The following FSCN3 variants were observed in gnomAD, a reference collection of about 807,000 sequenced individuals.
FSCN3 encodes the protein fascin actin-bundling protein 3.
In FSCN3, 43 loss-of-function variants were observed where a neutral mutation model predicts 53.5. The observed-to-expected ratio is 0.80, with a 90% CI of 0.63 to 1.04. The LOEUF (loss-of-function observed/expected upper bound fraction) is 1.04, where lower values mean the gene tolerates loss of function less well. Ranked by LOEUF, FSCN3 falls within the 50% of genes least tolerant of loss-of-function variation. FSCN3 has a pLI of 0.00. For synonymous variants in FSCN3, 235 were observed against 246.6 expected, an observed-to-expected ratio of 0.95 and a Z score of 0.44; for missense variants, 594 against 646.5, an observed-to-expected ratio of 0.92 and a Z score of 0.88.
At chr7:127,599,237 C>A in intron 4 of FSCN3, 144 bp from the exon 5 acceptor site, 1 of 672,878 alleles carries the variant, frequency 1.5e-6, no homozygotes, top group Non-Finnish European at 2.7e-6. Flanking sequence ...AAGCACCTAG[C>A]ATAAGACCTG....
Position 127,598,560 on chromosome 7 carries a change from C to T in FSCN3, c.1086C>T (p.Pro362=). The change falls in exon 4 of 7, where the codon CCC becomes CCT. Residue 362 remains proline, a synonymous_variant. Transcript: ENST00000265825. ...SCRGRFLGIA[P]NSLLMANVIL... ...GGGGGCGCTTCCTGGGCATTGCACC[C>T]AACAGCCTGCTGATGGCCAATGTCA... 1 of 1,612,716 alleles carries T rather than the reference C, an allele frequency of 6.2e-7. No homozygotes were observed. Among genetic ancestry groups the T allele is most frequent in the South Asian group, 1.1e-5 (1 of 90,962 alleles).
In FSCN3 at chr7:127,600,349, C is replaced by CTGTT. The variant is rs745997244; in HGVS notation, c.1448_1451dup (p.Leu484PhefsTer6). ...CATGCGAGCCGACCAAAGTGGCACC[C>CTGTT]TGTTGGCAGACAGTGAAGACATTAC... On this transcript the variant is annotated frameshift_variant, in exon 6 of 7. Transcript: ENST00000265825. LOFTEE classifies it high-confidence loss of function. The CTGTT allele has an allele frequency of 5.6e-6, 9 of 1,613,542 alleles. No individual in the cohort carries two copies. In the Admixed American group the frequency reaches 8.3e-5, roughly 15 times the overall value.
Position 127,600,302 on chromosome 7 carries a change from T to G in FSCN3, c.1400T>G (p.Val467Gly), listed in dbSNP as rs758328839. Reference protein sequence around the residue: ...IELQGSNLLTVLAPNGFYMRA... With the variant: ...IELQGSNLLTGLAPNGFYMRA... ...CTTCAGGGGAGCAACTTACTCACTG[T>G]ACTGGCCCCCAATGGCTTCTACATG... is the stretch of plus-strand genomic sequence containing the variant. The change falls in exon 6 of 7, where the codon GTA becomes GGA. Residue 467 changes from valine (V) to glycine (G), a missense_variant. Transcript: ENST00000265825. 6.2e-7 allele frequency: 1 copy of G among 1,611,510 alleles called. No individual in the cohort carries two copies. Among genetic ancestry groups the G allele is most frequent in the South Asian group, 1.1e-5 (1 of 91,034 alleles).
intron 1 of FSCN3, among the ~76,000 whole-genome samples, 172 bp downstream of exon 1, chr7:127,594,169 T>TGTGC (rs1353277393): frequency 1.4e-5 from 2 of 143,708 alleles, no homozygotes; most frequent in African/African-American, 5.7e-5. Context: ...GCTGTGTGTG[T>TGTGC]GTGTGTGTGT....
At chr7:127,600,972 C>G (rs1424233964) in intron 6 of FSCN3, among the ~76,000 whole-genome samples, 1 of 152,182 alleles carries the variant, frequency 6.6e-6, no homozygotes, top group Non-Finnish European at 1.5e-5. Context: ...TCTTCCCTTC[C>G]TAAGGTGATC....
Position 127,601,655 on chromosome 7 carries a change from C to T in FSCN3, c.*33C>T, listed in dbSNP as rs1794478397. 6.6e-6 allele frequency: 1 copy of T among 152,188 alleles called. No homozygotes were observed. The highest frequency in any genetic ancestry group is 2.4e-5 in the African/African-American group (1 of 41,444). 9.4% of individuals were successfully genotyped at this position (152,188 alleles called of 1,614,324 possible). ...GGATGTCACCTACCAAAATCCAAAT[C>T]CTCCAGGAAAAACTACTACACTAAA... On this transcript the variant is annotated 3_prime_UTR_variant, in exon 7 of 7. Transcript: ENST00000265825.
chr7:127,594,110 A>G (rs1195390881), intron 1 of FSCN3, 113 bp downstream of exon 1: 113 of 1,257,842 alleles, frequency 9.0e-5, no homozygotes, highest in Non-Finnish European at 1.1e-4. Flanking sequence ...GTGTGTATGT[A>G]CTTGCCTGTA....
chr7:127,599,472 T>A lies in FSCN3; in HGVS notation c.1212T>A (p.His404Gln). ...GCTATGTGGGCTCCTCATCGGGCCA[T>A]GACCTCATACAGTGCAACCAGGATC... The part of the protein sequence containing the change: ...RYGYVGSSSG[H>Q]DLIQCNQDQP... The change falls in exon 5 of 7, where the codon CAT becomes CAA. Residue 404 changes from histidine (H) to glutamine (Q), a missense_variant. By Grantham distance (24) the His-to-Gln change is conservative. Coordinates refer to ENST00000265825, the MANE Select transcript of FSCN3 (RefSeq NM_020369.3). 6.2e-6 allele frequency: 10 copies of A among 1,614,144 alleles called. No individual in the cohort carries two copies. The highest frequency in any genetic ancestry group is 8.5e-6 in the Non-Finnish European group (10 of 1,179,990).
Position 127,600,199 on chromosome 7 carries a change from G to A in FSCN3, c.1297G>A (p.Gly433Arg). 1 of 1,589,996 alleles carries A rather than the reference G, an allele frequency of 6.3e-7. No individual in the cohort carries two copies. Among genetic ancestry groups the A allele is most frequent in the South Asian group, 1.1e-5 (1 of 90,582 alleles). Reference protein sequence around the residue: ...RPGIYHFQAQGGSFWSITSFG... With the variant: ...RPGIYHFQAQRGSFWSITSFG... ...CTGAGCTCTTCCTTCTCCAGCACAG[G>A]GGGGATCCTTCTGGTCAATAACATC... Residue 433 changes from glycine to arginine, a missense_variant, in exon 6 of 7, where the codon GGG becomes AGG. Gly to Arg is a moderately radical substitution (Grantham distance 125, BLOSUM62 -2). Transcript: ENST00000265825.
rs574655470 is a variant in FSCN3 at position 127,599,283 on chromosome 7, G to T, written c.1121-98G>T. 5.5e-5 allele frequency: 48 copies of T among 866,046 alleles called. No individual in the cohort carries two copies. In the South Asian group the frequency reaches 7.3e-4, roughly 13 times the overall value. The allele number at this position is 866,046 out of a possible 1,614,324, so 53.6% of individuals were successfully genotyped here. ...GGTGTTCATTCACTGTTAAAATATT[G>T]ACCACACCCTTCTGCAATTAGCGTC... is the stretch of plus-strand genomic sequence containing the variant. On this transcript the variant is annotated intron_variant, in intron 4 of 6. Coordinates refer to ENST00000265825, the MANE Select transcript of FSCN3 (RefSeq NM_020369.3).
Position 127,595,744 on chromosome 7 carries a change from T to C in FSCN3, c.582T>C (p.Ser194=), listed in dbSNP as rs1283242500. The change falls in exon 2 of 7, where the codon TCT becomes TCC. Residue 194 remains serine (S), a synonymous_variant. Transcript: ENST00000265825. Reference sequence around the variant, plus strand: ...ATGGATGCTACCACCTGGAGACCTCTACACACCACTTCTTGTCCCATGTAG... The same window carrying C: ...ATGGATGCTACCACCTGGAGACCTCCACACACCACTTCTTGTCCCATGTAG... ...FRDGCYHLET[S]THHFLSHVDR... 1 of 1,613,966 alleles carries C rather than the reference T, an allele frequency of 6.2e-7. No individual in the cohort carries two copies. Among genetic ancestry groups the C allele is most frequent in the Admixed American group, 1.7e-5 (1 of 60,034 alleles).
chr7:127,594,230 G>C (rs932030362), intron 1 of FSCN3, among the ~76,000 whole-genome samples: 1 of 130,274 alleles, frequency 7.7e-6, no homozygotes, highest in Non-Finnish European at 1.6e-5. Context: ...ACTGGAACCA[G>C]TTTTCTGAGT....
At chr7:127,599,318 G>C in intron 4 of FSCN3, 63 bp from the exon 5 acceptor site, 1 of 1,319,416 alleles carries the variant, frequency 7.6e-7, no homozygotes. Context: ...CCCCCCTCCT[G>C]CTTCCACTTG....
chr7:127,595,829 G>A lies in FSCN3; in HGVS notation c.667G>A (p.Gly223Arg), dbSNP rs1216791087. 6.2e-7 allele frequency: 1 copy of A among 1,613,664 alleles called. No individual in the cohort carries two copies. Among genetic ancestry groups the A allele is most frequent in the South Asian group, 1.1e-5 (1 of 90,984 alleles). The stretch of plus-strand genomic sequence containing the variant: ...TTTTCACATGCAAGTGCGGCCTGGA[G>A]GGCTTGTGGCACTGTGTGATGGAGA... ...TAFHMQVRPG[G>R]LVALCDGEGG... The change falls in exon 2 of 7, where the codon GGG (glycine) becomes AGG (arginine). Residue 223 changes from glycine to arginine, a missense_variant. Physicochemically the swap from Gly to Arg is moderately radical, Grantham distance 125 (BLOSUM62 -2). Coordinates refer to ENST00000265825, the MANE Select transcript of FSCN3 (RefSeq NM_020369.3).
chr7:127,596,249 A>G, intron 2 of FSCN3, 79 bp from the exon 3 acceptor site: 2 of 1,536,606 alleles, frequency 1.3e-6, no homozygotes, highest in Non-Finnish European at 1.8e-6. Context: ...GGAGGGAGGG[A>G]CAGAAGCCCC....
chr7:127,595,259 G>T (rs780174647), intron 1 of FSCN3, 48 bp from the exon 2 acceptor site: 1 of 1,539,878 alleles, frequency 6.5e-7, no homozygotes, highest in Non-Finnish European at 8.8e-7. Context: ...CCTTGGTCTG[G>T]TAACTTCGTG....
chr7:127,601,091 A>G (rs1310722135), intron 6 of FSCN3, among the ~76,000 whole-genome samples: 1 of 152,048 alleles, frequency 6.6e-6, no homozygotes, highest in East Asian at 1.9e-4. Context: ...TCCTTCATCA[A>G]ACCCTGCAAA....
At chr7:127,600,159 G>A in intron 5 of FSCN3, 35 bp from the exon 6 acceptor site, 1 of 1,222,804 alleles carries the variant, frequency 8.2e-7, no homozygotes, top group Non-Finnish European at 1.2e-6. Context: ...ACTCCCCTGT[G>A]AATGGCCCAC....
At chr7:127,599,953 A>G (rs1284667319) in intron 5 of FSCN3, among the ~76,000 whole-genome samples, 1 of 151,976 alleles carries the variant, frequency 6.6e-6, no homozygotes, top group African/African-American at 2.4e-5. Flanking sequence ...TCCAAAAAAA[A>G]AAAAAAGGAA....
Sources: gnomAD v4.1 joint callset for allele counts (sites outside exome capture counted in the v4.1 genomes callset) on GRCh38, gnomAD v4.1.1 for gene constraint, MANE v1.5 for transcripts, NCBI Gene and HGNC (gene_info 2026-07-23, HGNC 2026-07-21) for gene names.